TST: variants seen among roughly 807,000 people sequenced by gnomAD.
The protein encoded by TST is epididymis secretory sperm binding protein.
TST carries 22 observed loss-of-function variants against 20.4 expected under a neutral mutation model. That is an observed-to-expected ratio of 1.08 (90% CI 0.77 to 1.54). The LOEUF (loss-of-function observed/expected upper bound fraction) is 1.54. TST is among the 40% of genes most tolerant of loss of function. The probability of loss-of-function intolerance (pLI) is 0.00; values close to 1 mark genes in which losing one functional copy is unlikely to be tolerated. For missense variants in TST, 392 were observed against 405.2 expected, an observed-to-expected ratio of 0.97 and a Z score of 0.28; for synonymous variants, 187 against 173.8, an observed-to-expected ratio of 1.08 and a Z score of -0.60.
rs1000783141 is a variant in TST at position 37,015,935 on chromosome 22, C to CTT, written c.595+2201_595+2202dup. Among the ~76,000 whole-genome samples, 39 of 73,886 alleles carry CTT rather than the reference C, an allele frequency of 5.3e-4. 1 individual carries two copies. The highest frequency in any genetic ancestry group is 1.5e-3 in the African/African-American group (25 of 17,240). The allele number at this position is 73,886 out of a possible 152,430, so 48.5% of individuals were successfully genotyped here. A position where few individuals can be genotyped will look rare whatever the true frequency, so the allele number is the denominator to read the frequency against. The stretch of plus-strand genomic sequence containing the variant: ...TGAAATCCCTTTCCAGCCACTGCTA[C>CTT]TTTTTTTTTTTTTTTTTTTTTTTTT... On this transcript the variant is annotated intron_variant, in intron 2 of 2. Coordinates refer to ENST00000249042, the MANE Select transcript of TST (RefSeq NM_003312.6).
upstream of TST, chr22:37,019,914 G>A (rs1922930914): frequency 4.6e-6 from 5 of 1,083,796 alleles, no homozygotes; most frequent in Non-Finnish European, 4.7e-6. Flanking sequence ...TGGAGGGGGA[G>A]GGAGTGGCTC....
rs980800367 is a variant in TST, at chr22:37,018,402, G to C, written c.331C>G (p.Arg111Gly). Residue 111 changes from arginine (R) to glycine (G), a missense_variant, in exon 2 of 3, where the codon CGG (arginine) becomes GGG (glycine). By Grantham distance (125) the Arg-to-Gly change is moderately radical (BLOSUM62 -2). Transcript: ENST00000249042. ...GEHLGSFYAP[R>G]VWWMFRVFGH... The stretch of plus-strand genomic sequence containing the variant: ...AACACACGGAACATCCACCAGACCC[G>C]GGGAGCATAGAAGCTGCCCAGGTGT... 10 of 1,613,668 alleles carry C rather than the reference G, an allele frequency of 6.2e-6. No individual in the cohort carries two copies. The highest frequency in any genetic ancestry group is 1.1e-5 in the South Asian group (1 of 91,082).
Position 37,011,030 on chromosome 22 carries a change from G to T in TST, c.891C>A (p.Ala297=). 1 of 1,608,342 alleles carries T rather than the reference G, an allele frequency of 6.2e-7. No individual in the cohort carries two copies. The highest frequency in any genetic ancestry group is 8.5e-7 in the Non-Finnish European group (1 of 1,177,622). The change falls in exon 3 of 3, where the codon GCC becomes GCA. Residue 297 remains alanine (A), a synonymous_variant. Transcript: ENST00000249042. The part of the protein sequence containing the change: ...SRVSQGKSEK[A] The stretch of plus-strand genomic sequence containing the variant: ...AGTAAGCAGAAGAGGTCACGGCTCA[G>T]GCCTTCTCAGACTTTCCCTGGGACA...
chr22:37,013,729 C>T (rs150838424), intron 2 of TST, among the ~76,000 whole-genome samples: 41 of 152,310 alleles, frequency 2.7e-4, no homozygotes, highest in African/African-American at 6.3e-4. Flanking sequence ...ACCCTACCAA[C>T]GAGGAACAAT....
intron 2 of TST, among the ~76,000 whole-genome samples, chr22:37,012,558 T>A (rs1443759221): frequency 6.6e-6 from 1 of 152,132 alleles, no homozygotes; most frequent in African/African-American, 2.4e-5. Flanking sequence ...CCTATCTCCA[T>A]CTCTTTGAGC....
intron 2 of TST, among the ~76,000 whole-genome samples, chr22:37,017,761 C>T (rs915831314): frequency 3.3e-5 from 5 of 152,068 alleles, no homozygotes; most frequent in Admixed American, 2.0e-4. Context: ...TGGATGTGTC[C>T]GTGGGAGGTT....
At chr22:37,017,299 G>T (rs1922715987) in intron 2 of TST, among the ~76,000 whole-genome samples, 1 of 152,130 alleles carries the variant, frequency 6.6e-6, no homozygotes, top group Non-Finnish European at 1.5e-5. Flanking sequence ...AATCCACCTG[G>T]CCTTCCCTTC....
At chr22:37,011,422 G>T in intron 2 of TST, 97 bp from the exon 3 acceptor site, 1 of 1,312,402 alleles carries the variant, frequency 7.6e-7, no homozygotes, top group Non-Finnish European at 1.0e-6. Flanking sequence ...AGGATAGATA[G>T]CTTTGCAAAT....
chr22:37,018,309 T>C lies in TST; in HGVS notation c.424A>G (p.Thr142Ala), dbSNP rs779585570. The C allele has an allele frequency of 1.2e-6, 2 of 1,613,894 alleles. No individual in the cohort carries two copies. Among genetic ancestry groups the C allele is most frequent in the African/African-American group, 1.3e-5 (1 of 74,910 alleles). ...RNWLKEGHPV[T>A]SEPSRPEPAV... ...GGTTCTGGGCGTGAGGGCTCGGATGTCACCGGGTGGCCCTCCTTCAGCCAG... is the reference window on the plus strand; with the variant it reads ...GGTTCTGGGCGTGAGGGCTCGGATGCCACCGGGTGGCCCTCCTTCAGCCAG... Residue 142 changes from threonine (T) to alanine (A), a missense_variant, in exon 2 of 3, where the codon ACA (threonine) becomes GCA (alanine). Coordinates refer to ENST00000249042, the MANE Select transcript of TST (RefSeq NM_003312.6).
intron 2 of TST, among the ~76,000 whole-genome samples, chr22:37,015,316 C>G (rs71317022): frequency 6.6e-6 from 1 of 152,376 alleles, no homozygotes; most frequent in South Asian, 2.1e-4. Flanking sequence ...CTCCTCCCTT[C>G]TTCACCCTCA....
intron 2 of TST, among the ~76,000 whole-genome samples, chr22:37,017,714 T>C (rs946371639): frequency 6.6e-6 from 1 of 152,152 alleles, no homozygotes; most frequent in African/African-American, 2.4e-5. Flanking sequence ...TTGATGTCTA[T>C]AAGGGTTTCT....
intron 1 of TST, 93 bp from the exon 2 acceptor site, chr22:37,018,846 C>T (rs1436077802): frequency 1.1e-6 from 1 of 871,964 alleles, no homozygotes; most frequent in Non-Finnish European, 1.6e-6. Flanking sequence ...CTCTTTCTCC[C>T]TCCGCACTCC....
intron 2 of TST, among the ~76,000 whole-genome samples, chr22:37,014,102 C>T (rs965458930): frequency 6.6e-6 from 1 of 151,870 alleles, no homozygotes; most frequent in African/African-American, 2.4e-5. Flanking sequence ...GGTGGCTACG[C>T]CTGTAATCCC....
upstream of TST, chr22:37,019,870 C>T: frequency 1.6e-6 from 2 of 1,217,688 alleles, no homozygotes; most frequent in Non-Finnish European, 2.1e-6. Flanking sequence ...GTCCGAGACC[C>T]GGGTAACTGC....
Position 37,018,331 on chromosome 22 carries a change from C to T in TST, c.402G>A (p.Trp134Ter), listed in dbSNP as rs769952949. Reference protein sequence around the residue: ...VSVLNGGFRNWLKEGHPVTSE... With the variant: ...VSVLNGGFRN ...ATGTCACCGGGTGGCCCTCCTTCAG[C>T]CAGTTCCGGAAGCCACCATTGAGCA... The change falls in exon 2 of 3, where the codon TGG becomes TGA. Residue 134 changes from tryptophan (W) to a stop codon, truncating the protein, a stop_gained. Coordinates refer to ENST00000249042, the MANE Select transcript of TST (RefSeq NM_003312.6). LOFTEE classifies it high-confidence loss of function. 3 of 1,614,002 alleles carry T rather than the reference C, an allele frequency of 1.9e-6. No individual in the cohort carries two copies. Among genetic ancestry groups the T allele is most frequent in the Admixed American group, 1.7e-5 (1 of 60,016 alleles).
chr22:37,018,828 G>C, intron 1 of TST, 75 bp from the exon 2 acceptor site: 6 of 1,074,514 alleles, frequency 5.6e-6, no homozygotes, highest in East Asian at 2.7e-5. Context: ...GGTGAGGCCT[G>C]GGAGAAGCTC....
At position 37,010,948 on chromosome 22, in the gene TST, A is replaced by C; in HGVS notation, c.*79T>G. On this transcript the variant is annotated 3_prime_UTR_variant, in exon 3 of 3. Coordinates refer to ENST00000249042, the MANE Select transcript of TST (RefSeq NM_003312.6). ...ATTCTAAAAACATGTCATCTCCTTC[A>C]CCTAAGAGGTAAGAACCGGCTGTAA... is the stretch of plus-strand genomic sequence containing the variant. 5.3e-6 allele frequency: 8 copies of C among 1,517,020 alleles called. No homozygotes were observed. The highest frequency in any genetic ancestry group is 7.1e-6 in the Non-Finnish European group (8 of 1,124,934). The allele number at this position is 1,517,020 out of a possible 1,614,324, so 94.0% of individuals were successfully genotyped here.
intron 2 of TST, among the ~76,000 whole-genome samples, chr22:37,016,982 T>C (rs2145899739): frequency 6.6e-6 from 1 of 152,236 alleles, no homozygotes; most frequent in East Asian, 1.9e-4. Context: ...ATTCTCTCTG[T>C]AGGAGGTACA....
At position 37,018,124 on chromosome 22, in the gene TST, A is replaced by C. The variant is rs1205314100; in HGVS notation, c.595+14T>G. On this transcript the variant is annotated intron_variant, in intron 2 of 2. Coordinates refer to ENST00000249042, the MANE Select transcript of TST (RefSeq NM_003312.6). Reference sequence around the variant, plus strand: ...CAATACTCCCCAGGGACCACCCAGCACTGGGACACCTACCTACTGCATCCG... The same window carrying C: ...CAATACTCCCCAGGGACCACCCAGCCCTGGGACACCTACCTACTGCATCCG... 15 of 1,527,274 alleles carry C rather than the reference A, an allele frequency of 9.8e-6. No individual in the cohort carries two copies. The highest frequency in any genetic ancestry group is 1.1e-5 in the Non-Finnish European group (12 of 1,135,162). The allele number at this position is 1,527,274 out of a possible 1,614,324, so 94.6% of individuals were successfully genotyped here. A position where few individuals can be genotyped will look rare whatever the true frequency, so the allele number is the denominator to read the frequency against.
Sources: allele counts gnomAD v4.1 joint callset (sites outside exome capture counted in the v4.1 genomes callset), GRCh38; gene constraint gnomAD v4.1.1; transcripts MANE v1.5; gene names NCBI Gene and HGNC (gene_info 2026-07-23, HGNC 2026-07-21).